Variants in HCN1 observed in about 807,000 individuals in gnomAD.
The protein encoded by HCN1 is potassium/sodium hyperpolarization-activated cyclic nucleotide-gated channel 1.
In HCN1, 13 loss-of-function variants were observed where a neutral mutation model predicts 78.9. That is an observed-to-expected ratio of 0.16 (90% CI 0.11 to 0.26). The LOEUF (loss-of-function observed/expected upper bound fraction) is 0.26, where lower values mean the gene tolerates loss of function less well. Ranked by LOEUF, HCN1 falls within the 10% of genes least tolerant of loss-of-function variation. The probability of loss-of-function intolerance (pLI) is 1.00; values close to 1 mark genes in which losing one functional copy is unlikely to be tolerated. For synonymous variants in HCN1, 552 were observed against 455.5 expected (o/e 1.21, Z -2.70); for missense variants, 810 against 1,154.3 (o/e 0.70, Z 4.32).
chr5:45,344,486 C>T (rs760560020), intron 5 of HCN1, among the ~76,000 whole-genome samples: 1 of 152,170 alleles, frequency 6.6e-6, no homozygotes, highest in African/African-American at 2.4e-5. Flanking sequence ...AGGAAAGTCT[C>T]TTCTGTCTAT....
intron 5 of HCN1, among the ~76,000 whole-genome samples, chr5:45,350,182 A>C (rs1045427129): frequency 6.6e-6 from 1 of 152,300 alleles, no homozygotes; most frequent in Non-Finnish European, 1.5e-5. Flanking sequence ...CACCGCGATC[A>C]AGTGGGCTTC....
At chr5:45,583,502 G>T (rs1197423307) in intron 2 of HCN1, among the ~76,000 whole-genome samples, 2 of 152,062 alleles carry the variant, frequency 1.3e-5, no homozygotes, top group Non-Finnish European at 2.9e-5. Context: ...AGTTTTTGAA[G>T]GGTTTTTTGT....
chr5:45,520,107 C>T (rs1742585888), intron 2 of HCN1, among the ~76,000 whole-genome samples: 1 of 151,982 alleles, frequency 6.6e-6, no homozygotes. Context: ...AAGCAGTTCA[C>T]ATATGTGTGC....
intron 6 of HCN1, among the ~76,000 whole-genome samples, chr5:45,287,779 T>C (rs1745297414): frequency 1.3e-5 from 2 of 151,962 alleles, no homozygotes; most frequent in African/African-American, 4.8e-5. Context: ...TCAGGAGAAA[T>C]ACAAATTGAC....
At chr5:45,407,284 C>T (rs1252209232) in intron 3 of HCN1, among the ~76,000 whole-genome samples, 1 of 151,954 alleles carries the variant, frequency 6.6e-6, no homozygotes, top group African/African-American at 2.4e-5. Context: ...CACTCATCTG[C>T]TTGTGGCAAT....
At chr5:45,441,641 T>G (rs1740683013) in intron 3 of HCN1, among the ~76,000 whole-genome samples, 1 of 152,204 alleles carries the variant, frequency 6.6e-6, no homozygotes, top group Non-Finnish European at 1.5e-5. Flanking sequence ...ATTTTTATTT[T>G]ATCACTGACA....
intron 2 of HCN1, among the ~76,000 whole-genome samples, chr5:45,587,249 C>T (rs1182627732): frequency 1.3e-5 from 2 of 152,186 alleles, no homozygotes; most frequent in African/African-American, 2.4e-5. Flanking sequence ...CACATGCACA[C>T]ATATGTTTAT....
Position 45,256,288 on chromosome 5 carries a change from G to T in HCN1, c.*5633C>A, listed in dbSNP as rs998572393. 5.3e-5 allele frequency: 8 copies of T among 151,032 alleles called. No homozygotes were observed. The highest frequency in any genetic ancestry group is 4.6e-4 in the Admixed American group (7 of 15,092). 9.4% of individuals were successfully genotyped at this position (151,032 alleles called of 1,614,324 possible). A position where few individuals can be genotyped will look rare whatever the true frequency, so the allele number is the denominator to read the frequency against. ...CTCTGGAGGCTGATGCAGGAGAATT[G>T]CTTAAACCTGGGAGGCTGATGTTGC... On this transcript the variant is annotated 3_prime_UTR_variant, in exon 8 of 8. Transcript: ENST00000303230.
intron 2 of HCN1, among the ~76,000 whole-genome samples, chr5:45,611,740 G>A (rs1328890688): frequency 6.6e-6 from 1 of 152,018 alleles, no homozygotes; most frequent in African/African-American, 2.4e-5. Context: ...TCAGTTAACT[G>A]TTTTGTAGGC....
At chr5:45,590,247 A>G (rs1744332036) in intron 2 of HCN1, among the ~76,000 whole-genome samples, 1 of 152,152 alleles carries the variant, frequency 6.6e-6, no homozygotes, top group Non-Finnish European at 1.5e-5. Context: ...TTCCTTTCAT[A>G]TTAGGTAGAA....
Position 45,318,785 on chromosome 5 carries a change from T to A in HCN1, c.1378-14946A>T, listed in dbSNP as rs1343553141. Among the ~76,000 whole-genome samples the A allele has an allele frequency of 6.6e-5, 10 of 152,066 alleles. No individual in the cohort carries two copies. The East Asian group carries it at 1.9e-3, about 30-fold the overall frequency. On this transcript the variant is annotated intron_variant, in intron 5 of 7. Coordinates refer to ENST00000303230, the MANE Select transcript of HCN1 (RefSeq NM_021072.4). ...AAATTTTAAGTCATTTTTTAAAAAA[T>A]ATATATGCACCCGTATAACCAGCCG...
At chr5:45,444,708 C>T (rs983344939) in intron 3 of HCN1, among the ~76,000 whole-genome samples, 1 of 152,186 alleles carries the variant, frequency 6.6e-6, no homozygotes, top group South Asian at 2.1e-4. Context: ...ATACTAGCCA[C>T]TTCTTTTTTG....
intron 4 of HCN1, among the ~76,000 whole-genome samples, chr5:45,375,111 T>C (rs965526412): frequency 8.0e-6 from 1 of 124,274 alleles, no homozygotes; most frequent in Non-Finnish European, 1.6e-5. Context: ...TTTTATAATA[T>C]ATAATATATT....
chr5:45,656,364 T>C (rs1249170320), intron 1 of HCN1, among the ~76,000 whole-genome samples: 1 of 152,104 alleles, frequency 6.6e-6, no homozygotes, highest in East Asian at 1.9e-4. Context: ...TAATGTCTTA[T>C]AAAACAGTAC....
intron 2 of HCN1, among the ~76,000 whole-genome samples, chr5:45,579,384 A>G (rs1220808512): frequency 6.6e-6 from 1 of 152,014 alleles, no homozygotes; most frequent in Non-Finnish European, 1.5e-5. Flanking sequence ...CCTCACCAAC[A>G]CAGCTCAAGA....
At chr5:45,655,883 C>CA (rs976556969) in intron 1 of HCN1, among the ~76,000 whole-genome samples, 28 of 151,870 alleles carry the variant, frequency 1.8e-4, no homozygotes, top group African/African-American at 4.6e-4. Flanking sequence ...GCTCTAAATG[C>CA]AAAAAAACAC....
chr5:45,641,575 T>C (rs892712571), intron 2 of HCN1: 3 of 152,194 alleles, frequency 2.0e-5, no homozygotes, highest in African/African-American at 7.2e-5. Context: ...TAAAATATTA[T>C]AGTTATATAT....
chr5:45,580,363 T>G (rs1561208263), intron 2 of HCN1, among the ~76,000 whole-genome samples: 1 of 151,946 alleles, frequency 6.6e-6, no homozygotes, highest in Non-Finnish European at 1.5e-5. Flanking sequence ...AAATTTCTCC[T>G]GGGGGTCACA....
In HCN1 at chr5:45,660,139, G is replaced by A. The variant is rs868638607; in HGVS notation, c.426-14531C>T. 3.8e-3 allele frequency among the ~76,000 whole-genome samples: 447 copies of A among 117,996 alleles called. 5 individuals are homozygous for A. Among genetic ancestry groups the A allele is most frequent in the African/African-American group, 0.016 (422 of 25,644 alleles). 77.4% of individuals were successfully genotyped at this position (117,996 alleles called of 152,430 possible). On this transcript the variant is annotated intron_variant, in intron 1 of 7. Coordinates refer to ENST00000303230, the MANE Select transcript of HCN1 (RefSeq NM_021072.4). ...ACCCTACAAGCCAGAAGAGAGTGGG[G>A]GCCAATATTCAACATTCTTAAAGAA...
Sources: allele counts gnomAD v4.1 joint callset (sites outside exome capture counted in the v4.1 genomes callset), GRCh38; gene constraint gnomAD v4.1.1; transcripts MANE v1.5; gene names NCBI Gene and HGNC (gene_info 2026-07-23, HGNC 2026-07-21).